Variants in TUBD1 observed in about 807,000 individuals in gnomAD.
TUBD1 encodes the protein tubulin delta chain.
A neutral mutation model predicts 51.2 loss-of-function variants in TUBD1; 38 were observed. The ratio of observed to expected loss-of-function variants is 0.74; its 90% CI spans 0.57 to 0.97. The LOEUF is 0.97. Among genes scored for constraint, TUBD1 ranks in the 50% least tolerant of loss-of-function variants. TUBD1 has a pLI of 0.00. For synonymous variants in TUBD1, 169 were observed against 178.2 expected, an observed-to-expected ratio of 0.95 and a Z score of 0.41; for missense variants, 489 against 538.4, an observed-to-expected ratio of 0.91 and a Z score of 0.91.
chr17:59,891,119 T>C, intron 1 of TUBD1, 78 bp from the exon 2 acceptor site: 1 of 781,540 alleles, frequency 1.3e-6, no homozygotes, highest in East Asian at 2.8e-5. Context: ...ATGTTAATTA[T>C]ACATCAATAA....
chr17:59,876,599 T>C (rs1436471938), intron 5 of TUBD1, among the ~76,000 whole-genome samples: 2 of 151,920 alleles, frequency 1.3e-5, no homozygotes, highest in Non-Finnish European at 2.9e-5. Flanking sequence ...TCAGGTGATC[T>C]GTCCGTCTTG....
intron 7 of TUBD1, among the ~76,000 whole-genome samples, chr17:59,866,110 CAAAAAAAAAAAA>C (rs1191579900): frequency 1.3e-5 from 1 of 76,222 alleles, no homozygotes. Flanking sequence ...GACCCCGTCT[CAAAAAAAAAAAA>C]AAAAAAAAAA....
intron 3 of TUBD1, chr17:59,884,912 GA>G (rs2040648966): frequency 4.8e-6 from 1 of 207,354 alleles, no homozygotes; most frequent in Non-Finnish European, 9.9e-6. Context: ...GACAGAACGA[GA>G]CTCTGTCTCT....
chr17:59,878,209 C>G lies in TUBD1; in HGVS notation c.663G>C (p.Gln221His). ...CTTGATTGATATCACTAAAGGAGAT[C>G]TGCTTGATATTCATCAGTTTTGCAC... ...KICAKLMNIK[Q>H]ISFSDINQVL... The change falls in exon 5 of 9, where the codon CAG becomes CAC. Residue 221 changes from glutamine to histidine, a missense_variant. Transcript: ENST00000325752. 2 of 1,614,088 alleles carry G rather than the reference C, an allele frequency of 1.2e-6. No homozygotes were observed. Among genetic ancestry groups the G allele is most frequent in the Non-Finnish European group, 8.5e-7 (1 of 1,180,002 alleles).
intron 2 of TUBD1, 120 bp from the exon 3 acceptor site, chr17:59,886,350 G>C (rs1248971013): frequency 1.2e-5 from 13 of 1,079,060 alleles, no homozygotes; most frequent in African/African-American, 9.6e-5. Context: ...TCCAGGGGTT[G>C]TGGTTAGAAA....
intron 6 of TUBD1, among the ~76,000 whole-genome samples, chr17:59,869,913 G>T (rs770409721): frequency 2.0e-5 from 3 of 151,936 alleles, no homozygotes; most frequent in Non-Finnish European, 2.9e-5. Context: ...ATCACTAAAA[G>T]GATAAGCACA....
intron 7 of TUBD1, 66 bp downstream of exon 7, chr17:59,866,543 C>A: frequency 6.4e-7 from 1 of 1,570,788 alleles, no homozygotes; most frequent in South Asian, 1.2e-5. Flanking sequence ...TTTTTAAAAA[C>A]CATTTGTACC....
chr17:59,886,758 G>A (rs1448214587), intron 2 of TUBD1: 1 of 152,370 alleles, frequency 6.6e-6, no homozygotes, highest in Non-Finnish European at 1.5e-5. Flanking sequence ...CCTTAGAAAG[G>A]GCAGGTGGGA....
Position 59,885,201 on chromosome 17 carries a change from G to C in TUBD1, c.320+882C>G, listed in dbSNP as rs138230676. ...GTATAACATGTGTGTGGGAGACTAC[G>C]AGCCTTACCCGGATGATGACATGGG... On this transcript the variant is annotated intron_variant, in intron 3 of 8. Transcript: ENST00000325752. The C allele has an allele frequency of 1.5e-3, 680 of 438,988 alleles. 3 individuals are homozygous for C. Among genetic ancestry groups the C allele is most frequent in the Middle Eastern group, 2.9e-3 (8 of 2,790 alleles). The allele number at this position is 438,988 out of a possible 1,614,324, so 27.2% of individuals were successfully genotyped here.
At chr17:59,869,229 A>C (rs1349697701) in intron 6 of TUBD1, among the ~76,000 whole-genome samples, 2 of 151,648 alleles carry the variant, frequency 1.3e-5, no homozygotes, top group African/African-American at 4.8e-5. Flanking sequence ...TAATCCCAGA[A>C]CTTTGGGAGG....
rs149779874 is a variant in TUBD1, at chr17:59,892,801, G to A, written c.-144C>T. Reference sequence around the variant, plus strand: ...CGAAAAACTTACTGAGAACAAATGCGCATGTTCCATAAACGGAGAGTTTTG... The same window carrying A: ...CGAAAAACTTACTGAGAACAAATGCACATGTTCCATAAACGGAGAGTTTTG... On this transcript the variant is annotated 5_prime_UTR_variant, in exon 1 of 9. Transcript: ENST00000325752. 1.6e-5 allele frequency: 3 copies of A among 184,448 alleles called. No individual in the cohort carries two copies. In the East Asian group the frequency reaches 4.1e-4, roughly 25 times the overall value. The allele number at this position is 184,448 out of a possible 1,614,324, so 11.4% of individuals were successfully genotyped here.
At chr17:59,877,198 T>C (rs1273013976) in intron 5 of TUBD1, among the ~76,000 whole-genome samples, 1 of 152,192 alleles carries the variant, frequency 6.6e-6, no homozygotes, top group Admixed American at 6.5e-5. Context: ...CTTTAATCCA[T>C]GGAGCACCTG....
At chr17:59,877,785 A>T (rs567868647) in intron 5 of TUBD1, among the ~76,000 whole-genome samples, 1 of 152,050 alleles carries the variant, frequency 6.6e-6, no homozygotes, top group African/African-American at 2.4e-5. Flanking sequence ...CTCAAAAAAA[A>T]AAAAAAAATC....
At chr17:59,882,333 G>T (rs1361060185) in intron 3 of TUBD1, among the ~76,000 whole-genome samples, 5 of 151,904 alleles carry the variant, frequency 3.3e-5, no homozygotes, top group Admixed American at 6.6e-5. Context: ...GCCCAGGCTG[G>T]GGTGCAGTGG....
Position 59,863,823 on chromosome 17 carries a change from T to C in TUBD1, c.1100A>G (p.Tyr367Cys). The change falls in exon 8 of 9, where the codon TAT (tyrosine) becomes TGT (cysteine). Residue 367 changes from tyrosine (Y) to cysteine (C), a missense_variant. Tyr to Cys is a radical substitution (Grantham distance 194, BLOSUM62 -2). Coordinates refer to ENST00000325752, the MANE Select transcript of TUBD1 (RefSeq NM_016261.4). ...ATTAACAGGCTTCAACCAGGAAGTA[T>C]ACAGAGCTGGATCTTTAAATCCCTC... ...DVEGFKDPAL[Y>C]TSWLKPVNAF... The C allele has an allele frequency of 3.8e-6, 6 of 1,580,150 alleles. No individual in the cohort carries two copies. Among genetic ancestry groups the C allele is most frequent in the South Asian group, 2.4e-5 (2 of 84,586 alleles).
chr17:59,875,139 C>T (rs772323010), intron 5 of TUBD1, among the ~76,000 whole-genome samples: 4 of 127,696 alleles, frequency 3.1e-5, no homozygotes, highest in South Asian at 2.4e-4. Flanking sequence ...AGTGCAGTGG[C>T]GTGATCTCGG....
intron 6 of TUBD1, among the ~76,000 whole-genome samples, chr17:59,867,793 T>C (rs374775091): frequency 1.3e-5 from 2 of 152,076 alleles, no homozygotes; most frequent in African/African-American, 4.8e-5. Context: ...GTACTGTGCA[T>C]GTGGGAGGAC....
At position 59,878,349 on chromosome 17, in the gene TUBD1, G is replaced by A. The variant is rs1324669976; in HGVS notation, c.538-15C>T. On this transcript the variant is annotated splice_polypyrimidine_tract_variant and intron_variant, in intron 4 of 8. Transcript: ENST00000325752. ...TGAACAATAACCTGGAGAGGAAAAGGTCAGAAAAAAGAAAGGTAGGAGAGA... is the reference window on the plus strand; with the variant it reads ...TGAACAATAACCTGGAGAGGAAAAGATCAGAAAAAAGAAAGGTAGGAGAGA... The A allele has an allele frequency of 2.5e-6, 4 of 1,580,590 alleles. No individual in the cohort carries two copies. Among genetic ancestry groups the A allele is most frequent in the East Asian group, 2.2e-5 (1 of 44,640 alleles).
chr17:59,874,571 T>G lies in TUBD1; in HGVS notation c.902A>C (p.Gln301Pro). The change falls in exon 6 of 9, where the codon CAG (glutamine) becomes CCG (proline). Residue 301 changes from glutamine (Q) to proline (P), a missense_variant. Physicochemically the swap from Gln to Pro is moderately conservative, Grantham distance 76. Coordinates refer to ENST00000325752, the MANE Select transcript of TUBD1 (RefSeq NM_016261.4). ...TWAGLLKHLR[Q>P]MLISNAKMEE... ...CATCTTTGCATTAGAAATGAGCATC[T>G]GTCTCAAATGCTTGAGGAGGCCAGC... is the stretch of plus-strand genomic sequence containing the variant. 1 of 1,612,178 alleles carries G rather than the reference T, an allele frequency of 6.2e-7. No homozygotes were observed. The highest frequency in any genetic ancestry group is 8.5e-7 in the Non-Finnish European group (1 of 1,179,664).
Sources: gnomAD v4.1 joint callset for allele counts (sites outside exome capture counted in the v4.1 genomes callset) on GRCh38, gnomAD v4.1.1 for gene constraint, MANE v1.5 for transcripts, NCBI Gene and HGNC (gene_info 2026-07-23, HGNC 2026-07-21) for gene names.